RANBP17: variants seen among roughly 807,000 people sequenced by gnomAD.
RANBP17 encodes RAN binding protein 17.
Under a neutral mutation model 141.2 loss-of-function variants are expected in RANBP17, and 158 were observed. The observed-to-expected ratio is 1.12, with a 90% CI of 0.98 to 1.28. The LOEUF (loss-of-function observed/expected upper bound fraction) is 1.28. Ranked by LOEUF, RANBP17 falls within the 50% of genes most tolerant of loss-of-function variation. RANBP17 has a pLI of 0.00. For synonymous variants in RANBP17, 430 were observed against 450.0 expected, an observed-to-expected ratio of 0.96 and a Z score of 0.56; for missense variants, 1,438 against 1,290.7, an observed-to-expected ratio of 1.11 and a Z score of -1.75.
At chr5:171,197,614 T>C (rs1762048699) in intron 18 of RANBP17, among the ~76,000 whole-genome samples, 1 of 152,188 alleles carries the variant, frequency 6.6e-6, no homozygotes, top group Non-Finnish European at 1.5e-5. Flanking sequence ...ACTTTATAAA[T>C]TTTATCTCAT....
At chr5:171,093,434 TG>T (rs1786458536) in intron 14 of RANBP17, among the ~76,000 whole-genome samples, 1 of 152,034 alleles carries the variant, frequency 6.6e-6, no homozygotes, top group African/African-American at 2.4e-5. Flanking sequence ...GAGTTGTTAA[TG>T]AAAAAAAAAT....
At chr5:170,888,923 A>G (rs982406715) in intron 3 of RANBP17, among the ~76,000 whole-genome samples, 1 of 152,032 alleles carries the variant, frequency 6.6e-6, no homozygotes, top group African/African-American at 2.4e-5. Flanking sequence ...ATTCAACATC[A>G]ATGGATGTTG....
chr5:171,088,397 T>G (rs932528694), intron 14 of RANBP17, among the ~76,000 whole-genome samples: 1 of 152,186 alleles, frequency 6.6e-6, no homozygotes, highest in East Asian at 1.9e-4. Flanking sequence ...CCCTTAACAT[T>G]TTTTTCTGCA....
At chr5:171,242,887 T>G in intron 24 of RANBP17, 67 bp downstream of exon 24, 1 of 1,390,042 alleles carries the variant, frequency 7.2e-7, no homozygotes, top group Non-Finnish European at 1.0e-6. Context: ...TGTATGTGAT[T>G]ATTGAGACTA....
chr5:171,229,403 TTTTG>T (rs1764072366), intron 22 of RANBP17, among the ~76,000 whole-genome samples: 2 of 152,250 alleles, frequency 1.3e-5, no homozygotes, highest in South Asian at 4.1e-4. Flanking sequence ...TTGTTGTTTT[TTTTG>T]TTTGTTTTTT....
chr5:171,187,365 G>C (rs538580387), intron 18 of RANBP17, among the ~76,000 whole-genome samples: 9 of 151,888 alleles, frequency 5.9e-5, no homozygotes, highest in African/African-American at 2.2e-4. Context: ...CCAGAAACAC[G>C]AAGTAGGTTC....
intron 14 of RANBP17, among the ~76,000 whole-genome samples, chr5:171,053,914 TATATATATATA>T (rs1561596602): frequency 0.012 from 1,511 of 124,186 alleles, 103 homozygotes; most frequent in East Asian, 0.029. Context: ...TATATATATA[TATATATATATA>T]ATTGCTGTAT....
At chr5:171,007,152 A>G (rs1439033819) in intron 14 of RANBP17, among the ~76,000 whole-genome samples, 1 of 152,150 alleles carries the variant, frequency 6.6e-6, no homozygotes, top group Admixed American at 6.6e-5. Context: ...GAATTGTAGG[A>G]CAGAGTTAGA....
rs143978294 is a variant in RANBP17, at chr5:170,999,351, T to A, written c.1710+30974T>A. On this transcript the variant is annotated intron_variant, in intron 14 of 27. Transcript: ENST00000523189. The stretch of plus-strand genomic sequence containing the variant: ...TTTCAATTGGTATAAGCTGGCTTTA[T>A]TTTATACTGCTAATAAAGGCACATT... 2.3e-3 allele frequency among the ~76,000 whole-genome samples: 351 copies of A among 152,266 alleles called. 7 individuals carry two copies. Among genetic ancestry groups the A allele is most frequent in the Non-Finnish European group, 1.3e-4 (9 of 67,976 alleles).
intron 14 of RANBP17, among the ~76,000 whole-genome samples, chr5:171,034,184 A>G (rs1288283211): frequency 6.6e-6 from 1 of 152,220 alleles, no homozygotes; most frequent in South Asian, 2.1e-4. Flanking sequence ...TATGTTCATG[A>G]TTATGAAACA....
chr5:171,071,698 C>A (rs1784645461), intron 14 of RANBP17, among the ~76,000 whole-genome samples: 1 of 135,902 alleles, frequency 7.4e-6, no homozygotes, highest in African/African-American at 2.7e-5. Flanking sequence ...TCAACATGTA[C>A]CACACAACTT....
At chr5:171,088,473 G>A (rs1223561387) in intron 14 of RANBP17, among the ~76,000 whole-genome samples, 1 of 152,080 alleles carries the variant, frequency 6.6e-6, no homozygotes, top group African/African-American at 2.4e-5. Flanking sequence ...GTATCTTTGT[G>A]GCATTCTCTG....
At chr5:171,024,235 TGG>T (rs1781082978) in intron 14 of RANBP17, among the ~76,000 whole-genome samples, 1 of 151,978 alleles carries the variant, frequency 6.6e-6, no homozygotes, top group African/African-American at 2.4e-5. Flanking sequence ...GATAGAGTAA[TGG>T]GGGAAAGAGT....
chr5:171,187,284 A>G (rs919812395), intron 18 of RANBP17, among the ~76,000 whole-genome samples: 1 of 152,192 alleles, frequency 6.6e-6, no homozygotes, highest in African/African-American at 2.4e-5. Flanking sequence ...ATCAAAGGGC[A>G]CAGATTACCA....
chr5:171,140,666 T>C (rs1306821075), intron 14 of RANBP17, among the ~76,000 whole-genome samples: 1 of 152,228 alleles, frequency 6.6e-6, no homozygotes, highest in Non-Finnish European at 1.5e-5. Flanking sequence ...CAAGGCACAA[T>C]GGAGCATTTT....
At chr5:171,227,020 C>T (rs1473198322) in intron 22 of RANBP17, among the ~76,000 whole-genome samples, 1 of 152,188 alleles carries the variant, frequency 6.6e-6, no homozygotes, top group African/African-American at 2.4e-5. Context: ...CCCATCTCTT[C>T]CCTTCTCCTC....
chr5:171,285,178 A>C (rs952619838), intron 25 of RANBP17, among the ~76,000 whole-genome samples: 2 of 152,136 alleles, frequency 1.3e-5, no homozygotes, highest in African/African-American at 4.8e-5. Flanking sequence ...TGCTATATGC[A>C]TCTTTTAAGA....
chr5:170,917,718 T>C (rs1772093597), intron 9 of RANBP17, among the ~76,000 whole-genome samples: 2 of 152,164 alleles, frequency 1.3e-5, no homozygotes. Flanking sequence ...TTAAAATGTT[T>C]AGTTGTTTAA....
intron 12 of RANBP17, among the ~76,000 whole-genome samples, chr5:170,946,410 T>C (rs1774766048): frequency 6.6e-6 from 1 of 152,146 alleles, no homozygotes; most frequent in African/African-American, 2.4e-5. Flanking sequence ...ATGTTTTAGA[T>C]TCACATCCAT....
Sources: allele counts gnomAD v4.1 joint callset (sites outside exome capture counted in the v4.1 genomes callset), GRCh38; gene constraint gnomAD v4.1.1; transcripts MANE v1.5; gene names NCBI Gene and HGNC (gene_info 2026-07-23, HGNC 2026-07-21).